The following ARHGAP27 variants were observed in gnomAD, a reference collection of about 807,000 sequenced individuals.
The protein encoded by ARHGAP27 is rho GTPase-activating protein 27.
Under a neutral mutation model 102.0 loss-of-function variants are expected in ARHGAP27, and 53 were observed. That is an observed-to-expected ratio of 0.52 (90% confidence interval 0.42 to 0.65). ARHGAP27 has a LOEUF of 0.65. Among genes scored for constraint, ARHGAP27 ranks in the 30% least tolerant of loss-of-function variants. The pLI is 0.00. For missense variants in ARHGAP27, 1,117 were observed against 1,256.2 expected, an observed-to-expected ratio of 0.89 and a Z score of 1.68; for synonymous variants, 525 against 542.8, an observed-to-expected ratio of 0.97 and a Z score of 0.46.
Position 45,404,582 on chromosome 17 carries a change from C to G in ARHGAP27, c.1329+19G>C, listed in dbSNP as rs368077354. 1 of 1,613,980 alleles carries G rather than the reference C, an allele frequency of 6.2e-7. No individual in the cohort carries two copies. Among genetic ancestry groups the G allele is most frequent in the Non-Finnish European group, 8.5e-7 (1 of 1,179,888 alleles). Reference sequence around the variant, plus strand: ...TCTCTTCCTCTCTCCCCAACACCCCCCTTTCCCCAGGTTGTTACCTGGGGC... The same window carrying G: ...TCTCTTCCTCTCTCCCCAACACCCCGCTTTCCCCAGGTTGTTACCTGGGGC... On this transcript the variant is annotated intron_variant, in intron 7 of 19. Transcript: ENST00000685559.
chr17:45,395,860 G>A lies in ARHGAP27; in HGVS notation c.2387-11C>T, dbSNP rs2045568726. On this transcript the variant is annotated splice_polypyrimidine_tract_variant and intron_variant, in intron 18 of 19. Transcript: ENST00000685559. ...CCTGGTCCTGCAACTCTGGGTGAGG[G>A]AAGGTTTAGAGGGAGGGAGTCGGAA... The A allele has an allele frequency of 6.3e-7, 1 of 1,597,584 alleles. No homozygotes were observed.
chr17:45,396,266 AGCCC>A lies in ARHGAP27; in HGVS notation c.2188_2191del (p.Gly730CysfsTer41). Reference sequence around the variant, plus strand: ...GGCCAGGTTTCCACTGATGCGGTACAGCCCGTCGATGTCCAGCCCTGGGCCAGAG... The same window carrying A: ...GGCCAGGTTTCCACTGATGCGGTACAGTCGATGTCCAGCCCTGGGCCAGAG... On this transcript the variant is annotated frameshift_variant, in exon 17 of 20. Transcript: ENST00000685559. LOFTEE classifies it high-confidence loss of function. 1.2e-6 allele frequency: 2 copies of A among 1,613,008 alleles called. No individual in the cohort carries two copies. Among genetic ancestry groups the A allele is most frequent in the Non-Finnish European group, 1.7e-6 (2 of 1,179,552 alleles).
chr17:45,419,788 C>G (rs557073301), intron 4 of ARHGAP27, among the ~76,000 whole-genome samples: 5 of 151,350 alleles, frequency 3.3e-5, no homozygotes, highest in Non-Finnish European at 7.4e-5. Context: ...AGCCCAACAA[C>G]CCAATACAGA....
chr17:45,419,512 G>GTATATA (rs71136087), intron 4 of ARHGAP27, among the ~76,000 whole-genome samples: 2 of 119,782 alleles, frequency 1.7e-5, no homozygotes, highest in Non-Finnish European at 3.3e-5. Flanking sequence ...TATGCTGTAT[G>GTATATA]TATATATATA....
intron 4 of ARHGAP27, among the ~76,000 whole-genome samples, chr17:45,422,535 G>A (rs761852818): frequency 2.0e-5 from 3 of 152,140 alleles, no homozygotes; most frequent in Non-Finnish European, 4.4e-5. Flanking sequence ...AAAATAAGGA[G>A]TGGTCATATA....
intron 10 of ARHGAP27, 46 bp downstream of exon 10, chr17:45,403,983 C>T (rs2046795631): frequency 1.9e-6 from 3 of 1,602,236 alleles, no homozygotes; most frequent in Admixed American, 3.4e-5. Context: ...TGAACATCGT[C>T]ACCAAGGCCC....
Position 45,396,004 on chromosome 17 carries a change from G to A in ARHGAP27, c.2365C>T (p.Arg789Cys), listed in dbSNP as rs146181441. The A allele has an allele frequency of 4.3e-6, 7 of 1,612,698 alleles. No individual in the cohort carries two copies. The highest frequency in any genetic ancestry group is 5.9e-6 in the Non-Finnish European group (7 of 1,179,280). The change falls in exon 18 of 20, where the codon CGC becomes TGC. Residue 789 changes from arginine (R) to cysteine (C), a missense_variant. This residue lies in a region of ARHGAP27 where 493 missense variants were observed against 505.5 expected (regional missense o/e 0.98). Coordinates refer to ENST00000685559, the MANE Select transcript of ARHGAP27 (RefSeq NM_001282290.2). ...TCACTGATGGCCGCAATGAACTGGC[G>A]GAAGTGCGAGAAGGGGAAGAGGGGC... ...PEPLFPFSHF[R>C]QFIAAIKLQD...
intron 4 of ARHGAP27, chr17:45,408,319 C>T (rs2047476113): frequency 6.6e-6 from 1 of 152,214 alleles, no homozygotes; most frequent in Non-Finnish European, 1.5e-5. Context: ...AGAGCTGGCA[C>T]TCAAGTGCAC....
intron 4 of ARHGAP27, chr17:45,409,334 G>C (rs2047616358): frequency 6.6e-6 from 1 of 152,262 alleles, no homozygotes; most frequent in African/African-American, 2.4e-5. Context: ...GAGGCTGATG[G>C]GGTCCTCACA....
intron 4 of ARHGAP27, chr17:45,408,227 A>G (rs1439734077): frequency 1.3e-5 from 2 of 152,240 alleles, no homozygotes; most frequent in Non-Finnish European, 2.9e-5. Flanking sequence ...TACCCAACAA[A>G]GATTCACCTG....
rs768750122 is a variant in ARHGAP27, at chr17:45,405,101, G to T, written c.1071C>A (p.Pro357=). 46 of 1,571,964 alleles carry T rather than the reference G, an allele frequency of 2.9e-5. No individual in the cohort carries two copies. Among genetic ancestry groups the T allele is most frequent in the Middle Eastern group, 1.8e-4 (1 of 5,422 alleles). Reference sequence around the variant, plus strand: ...ACTCGGGGTAGTCCGTCTCGGGAGTGGGGGGCTGCGGGGAACAGAAGGTGG... The same window carrying T: ...ACTCGGGGTAGTCCGTCTCGGGAGTTGGGGGCTGCGGGGAACAGAAGGTGG... The part of the protein sequence containing the change: ...SPGSPGDPRP[P]TPETDYPESL... The change falls in exon 6 of 20, where the codon CCC becomes CCA. Residue 357 remains proline (P), a synonymous_variant. Coordinates refer to ENST00000685559, the MANE Select transcript of ARHGAP27 (RefSeq NM_001282290.2).
At chr17:45,411,833 C>T (rs544810805) in intron 4 of ARHGAP27, among the ~76,000 whole-genome samples, 3 of 152,122 alleles carry the variant, frequency 2.0e-5, no homozygotes, top group African/African-American at 7.2e-5. Flanking sequence ...CACACGTGTG[C>T]GTGCATATGA....
In ARHGAP27 at chr17:45,404,269, C is replaced by T. The variant is rs921296351; in HGVS notation, c.1479G>A (p.Arg493=). 2 of 1,613,932 alleles carry T rather than the reference C, an allele frequency of 1.2e-6. No individual in the cohort carries two copies. Among genetic ancestry groups the T allele is most frequent in the South Asian group, 2.2e-5 (2 of 91,084 alleles). The change falls in exon 9 of 20, where the codon AGG becomes AGA. Residue 493 remains arginine (R), a splice_region_variant and synonymous_variant. Transcript: ENST00000685559. ...EEVSPATAAV[R]TKTLDKAGVL... is the part of the protein sequence containing the mutation. ...GCTGGGGGTAGGGGGTGATGCCTAC[C>T]CTCACAGCAGCTGTGGCAGGAGAGA...
chr17:45,405,939 G>C lies in ARHGAP27; in HGVS notation c.802C>G (p.Pro268Ala). The C allele has an allele frequency of 1.3e-6, 2 of 1,535,948 alleles. No homozygotes were observed. Among genetic ancestry groups the C allele is most frequent in the Non-Finnish European group, 1.7e-6 (2 of 1,146,810 alleles). ...TCCCAGGTGGTAACTCCCGTGTCTG[G>C]GTTGTAGTAGTAGGGGCGCCCGGTG... is the stretch of plus-strand genomic sequence containing the variant. Reference protein sequence around the residue: ...AGTGRPYYYNPDTGVTTWESP... With the variant: ...AGTGRPYYYNADTGVTTWESP... The change falls in exon 5 of 20, where the codon CCA (proline) becomes GCA (alanine). Residue 268 changes from proline to alanine, a missense_variant. By Grantham distance (27) the Pro-to-Ala change is conservative (BLOSUM62 -1). Coordinates refer to ENST00000685559, the MANE Select transcript of ARHGAP27 (RefSeq NM_001282290.2).
At chr17:45,413,764 G>A (rs1472394305) in intron 4 of ARHGAP27, among the ~76,000 whole-genome samples, 1 of 152,130 alleles carries the variant, frequency 6.6e-6, no homozygotes, top group Non-Finnish European at 1.5e-5. Context: ...CTCTAAGTAA[G>A]GCTGGCAGAC....
Position 45,427,028 on chromosome 17 carries a change from TC to T in ARHGAP27, c.657+2594del, listed in dbSNP as rs2049681462. 6.6e-6 allele frequency among the ~76,000 whole-genome samples: 1 copy of T among 151,660 alleles called. No homozygotes were observed. Among genetic ancestry groups the T allele is most frequent in the African/African-American group, 2.4e-5 (1 of 41,230 alleles). ...TTCCACTCTGCTCCTCCCCAAGTCA[TC>T]CCCCCGTCAGGAAGCAGCACCACTG... On this transcript the variant is annotated intron_variant, in intron 4 of 19. Transcript: ENST00000685559. This position sits in a 1 kb window ranked among gnomAD's most constrained non-coding sequence, Gnocchi z 4.5.
In ARHGAP27 at chr17:45,429,635, C is replaced by CT; in HGVS notation, c.644dup (p.Ser216GlufsTer65). 1 of 1,583,438 alleles carries CT rather than the reference C, an allele frequency of 6.3e-7. No individual in the cohort carries two copies. The highest frequency in any genetic ancestry group is 8.6e-7 in the Non-Finnish European group (1 of 1,164,688). On this transcript the variant is annotated frameshift_variant, in exon 4 of 20. Coordinates refer to ENST00000685559, the MANE Select transcript of ARHGAP27 (RefSeq NM_001282290.2). LOFTEE classifies it high-confidence loss of function. ...CCCGGGGAGGTACCTGCTCTGCGCTCTCCTCCGGCGGCGGGACGTGCAAGT... is the reference window on the plus strand; with the variant it reads ...CCCGGGGAGGTACCTGCTCTGCGCTCTTCCTCCGGCGGCGGGACGTGCAAGT...
At chr17:45,395,687 G>T in intron 19 of ARHGAP27, 54 bp from the exon 20 acceptor site, 4 of 1,569,116 alleles carry the variant, frequency 2.5e-6, no homozygotes, top group Non-Finnish European at 3.4e-6. Flanking sequence ...GCGGGGAGGC[G>T]CTGGGGGCTT....
At chr17:45,402,990 C>T (rs906124556) in intron 11 of ARHGAP27, among the ~76,000 whole-genome samples, 172 bp from the exon 12 acceptor site, 1 of 152,220 alleles carries the variant, frequency 6.6e-6, no homozygotes, top group African/African-American at 2.4e-5. Context: ...AACCATGGAG[C>T]CTGCTGGCTG....
Sources: allele counts gnomAD v4.1 joint callset (sites outside exome capture counted in the v4.1 genomes callset), GRCh38; gene constraint gnomAD v4.1.1; regional missense constraint gnomAD v4.1.1; non-coding constraint Gnocchi (gnomAD v3.1); transcripts MANE v1.5; gene names NCBI Gene and HGNC (gene_info 2026-07-23, HGNC 2026-07-21).